Variants in KIF5C observed in about 807,000 individuals in gnomAD.
KIF5C encodes the protein kinesin heavy chain isoform 5C.
Under a neutral mutation model 125.2 loss-of-function variants are expected in KIF5C, and 18 were observed. That is an observed-to-expected ratio of 0.14 (90% CI 0.10 to 0.21). KIF5C has a LOEUF of 0.21. Among genes scored for constraint, KIF5C ranks in the 10% least tolerant of loss-of-function variants. The pLI, the probability that KIF5C is intolerant of heterozygous loss-of-function variation, is 1.00. For missense variants in KIF5C, 780 were observed against 1,183.8 expected (o/e 0.66, Z 5.01); for synonymous variants, 405 against 434.0 (o/e 0.93, Z 0.83).
Position 148,949,866 on chromosome 2 carries a change from G to C in KIF5C, c.742G>C (p.Val248Leu). The C allele has an allele frequency of 6.2e-7, 1 of 1,613,862 alleles. No individual in the cohort carries two copies. The change falls in exon 9 of 26, where the codon GTT (valine) becomes CTT (leucine). Residue 248 changes from valine to leucine, a missense_variant. This residue lies in a region of KIF5C where 207 missense variants were observed against 441.2 expected (regional missense o/e 0.47). Coordinates refer to ENST00000435030, the MANE Select transcript of KIF5C (RefSeq NM_004522.3). ...CAGCAAAACTGGTGCCGAGGGAGCTGTTCTTGACGAAGCTAAAAATATCAA... is the reference window on the plus strand; with the variant it reads ...CAGCAAAACTGGTGCCGAGGGAGCTCTTCTTGACGAAGCTAAAAATATCAA... ...KVSKTGAEGA[V>L]LDEAKNINKS... is the part of the protein sequence containing the mutation.
chr2:148,934,761 C>T (rs902074297), intron 3 of KIF5C, among the ~76,000 whole-genome samples: 1 of 151,954 alleles, frequency 6.6e-6, no homozygotes, highest in African/African-American at 2.4e-5. Flanking sequence ...ACCCCCACAT[C>T]ACACATATAT....
At chr2:149,006,761 C>G (rs769559868) in intron 22 of KIF5C, among the ~76,000 whole-genome samples, 3 of 152,150 alleles carry the variant, frequency 2.0e-5, no homozygotes, top group Non-Finnish European at 2.9e-5. Flanking sequence ...CACAAATGAC[C>G]ATGGGGGCCT....
rs983278954 is a variant in KIF5C at position 149,023,651 on chromosome 2, C to T, written c.*581C>T. 3.3e-5 allele frequency: 5 copies of T among 152,588 alleles called. No homozygotes were observed. Among genetic ancestry groups the T allele is most frequent in the African/African-American group, 7.2e-5 (3 of 41,432 alleles). The allele number at this position is 152,588 out of a possible 1,614,324, so 9.5% of individuals were successfully genotyped here. A position where few individuals can be genotyped will look rare whatever the true frequency, so the allele number is the denominator to read the frequency against. On this transcript the variant is annotated 3_prime_UTR_variant, in exon 26 of 26. Coordinates refer to ENST00000435030, the MANE Select transcript of KIF5C (RefSeq NM_004522.3). ...GTAAAATATACCTTTTAGTATGGCA[C>T]CTGTTAAAATGCAAAGCAAATTTCT...
chr2:148,910,175 C>A (rs971692682), intron 1 of KIF5C, among the ~76,000 whole-genome samples: 2 of 152,112 alleles, frequency 1.3e-5, no homozygotes, highest in African/African-American at 2.4e-5. Context: ...AAAACATGTC[C>A]TTAAATAACT....
intron 1 of KIF5C, among the ~76,000 whole-genome samples, chr2:148,901,155 A>G (rs1013019122): frequency 2.6e-5 from 4 of 152,236 alleles, no homozygotes; most frequent in African/African-American, 9.6e-5. Context: ...AATACTTCAC[A>G]TCTATACATC....
intron 2 of KIF5C, among the ~76,000 whole-genome samples, chr2:148,927,241 C>T (rs1481009430): frequency 6.6e-6 from 1 of 152,128 alleles, no homozygotes; most frequent in East Asian, 1.9e-4. Flanking sequence ...CCCGGGAGGC[C>T]TCGGGTGTGG....
chr2:148,927,968 TA>T (rs923353624), intron 2 of KIF5C, among the ~76,000 whole-genome samples: 9 of 151,416 alleles, frequency 5.9e-5, no homozygotes, highest in African/African-American at 1.2e-4. Flanking sequence ...CTGCTAGAAT[TA>T]AAAAAAAATC....
rs1452352487 is a variant in KIF5C, at chr2:148,973,216, C to T, written c.1118-120C>T. The T allele has an allele frequency of 4.4e-6, 6 of 1,374,530 alleles. No individual in the cohort carries two copies. The South Asian group carries it at 9.6e-5, about 22-fold the overall frequency. The allele number at this position is 1,374,530 out of a possible 1,614,324, so 85.1% of individuals were successfully genotyped here. On this transcript the variant is annotated intron_variant, in intron 11 of 25. Coordinates refer to ENST00000435030, the MANE Select transcript of KIF5C (RefSeq NM_004522.3). ...AGGAACACAAACTCTACCCACACTACAGCCCTTTATTGTGTCTTCTGTGTA... is the reference window on the plus strand; with the variant it reads ...AGGAACACAAACTCTACCCACACTATAGCCCTTTATTGTGTCTTCTGTGTA...
intron 1 of KIF5C, among the ~76,000 whole-genome samples, chr2:148,909,532 A>G (rs953194864): frequency 1.3e-5 from 2 of 152,258 alleles, no homozygotes; most frequent in African/African-American, 2.4e-5. Flanking sequence ...TACTTGGCAC[A>G]TGGAGGATTC....
chr2:148,998,237 G>A, intron 18 of KIF5C, 163 bp from the exon 19 acceptor site: 2 of 1,192,988 alleles, frequency 1.7e-6, no homozygotes, highest in Non-Finnish European at 2.3e-6. Flanking sequence ...TCCCAATAAA[G>A]CAAGGCCGGG....
chr2:149,009,696 T>A (rs1287302116), intron 23 of KIF5C, among the ~76,000 whole-genome samples: 3 of 152,240 alleles, frequency 2.0e-5, no homozygotes. Flanking sequence ...AGGTTCTGCA[T>A]GGAAGGAAGC....
chr2:148,950,873 A>C (rs978714606), intron 10 of KIF5C, among the ~76,000 whole-genome samples: 1 of 152,192 alleles, frequency 6.6e-6, no homozygotes, highest in Non-Finnish European at 1.5e-5. Flanking sequence ...GTAAGGGACA[A>C]ACAGCCTTTT....
intron 21 of KIF5C, among the ~76,000 whole-genome samples, chr2:149,004,627 A>G (rs1681951224): frequency 6.6e-6 from 1 of 152,254 alleles, no homozygotes; most frequent in African/African-American, 2.4e-5. Flanking sequence ...AGGAAGCAAT[A>G]CAATCCTAAT....
chr2:148,898,168 T>C (rs1364904591), intron 1 of KIF5C, among the ~76,000 whole-genome samples: 1 of 151,970 alleles, frequency 6.6e-6, no homozygotes, highest in East Asian at 1.9e-4. Flanking sequence ...CTAGTCCACA[T>C]AGGAATGGAG....
chr2:148,904,023 A>G (rs1681003440), intron 1 of KIF5C, among the ~76,000 whole-genome samples: 1 of 152,214 alleles, frequency 6.6e-6, no homozygotes, highest in Non-Finnish European at 1.5e-5. Context: ...TGAATAATGT[A>G]TGTATGTGCT....
intron 21 of KIF5C, among the ~76,000 whole-genome samples, chr2:149,002,065 C>T (rs1249916205): frequency 6.6e-6 from 1 of 152,236 alleles, no homozygotes; most frequent in Admixed American, 6.5e-5. Flanking sequence ...GTGGAGGGGG[C>T]TGCTGCCGGG....
intron 13 of KIF5C, 139 bp from the exon 14 acceptor site, chr2:148,981,216 G>T: frequency 7.9e-7 from 1 of 1,268,116 alleles, no homozygotes; most frequent in Non-Finnish European, 1.1e-6. Context: ...GGACCATACA[G>T]TGGGGTTTCC....
intron 1 of KIF5C, among the ~76,000 whole-genome samples, chr2:148,883,370 G>A (rs934874764): frequency 3.9e-5 from 6 of 151,956 alleles, no homozygotes; most frequent in South Asian, 4.2e-4. Flanking sequence ...GCATGGTGGC[G>A]GGCACCTGTA....
At chr2:148,939,279 T>A (rs935883138) in intron 4 of KIF5C, among the ~76,000 whole-genome samples, 4 of 152,216 alleles carry the variant, frequency 2.6e-5, no homozygotes, top group African/African-American at 9.6e-5. Flanking sequence ...GCACCAACTG[T>A]TTGCCCAACT....
Sources: gnomAD v4.1 joint callset for allele counts (sites outside exome capture counted in the v4.1 genomes callset) on GRCh38, gnomAD v4.1.1 for gene constraint, gnomAD v4.1.1 regional missense constraint, MANE v1.5 for transcripts, NCBI Gene and HGNC (gene_info 2026-07-23, HGNC 2026-07-21) for gene names.